The following NIPBL variants were observed in gnomAD, a reference collection of about 807,000 sequenced individuals.
NIPBL encodes the protein nipped-B-like protein.
A neutral mutation model predicts 321.8 loss-of-function variants in NIPBL; 19 were observed. The ratio of observed to expected loss-of-function variants is 0.06; its 90% CI spans 0.04 to 0.09. The LOEUF is 0.09. Ranked by LOEUF, NIPBL falls within the 10% of genes least tolerant of loss-of-function variation. The pLI is 1.00. For synonymous variants in NIPBL, 1,106 were observed against 1,114.1 expected, an observed-to-expected ratio of 0.99 and a Z score of 0.14; for missense variants, 2,210 against 3,327.0, an observed-to-expected ratio of 0.66 and a Z score of 8.26.
At chr5:36,927,929 A>G (rs1356346045) in intron 1 of NIPBL, among the ~76,000 whole-genome samples, 1 of 151,962 alleles carries the variant, frequency 6.6e-6, no homozygotes, top group African/African-American at 2.4e-5. Context: ...CAGGTGATCC[A>G]CCTGCCTCAG....
At chr5:37,047,225 G>A (rs573705050) in intron 38 of NIPBL, among the ~76,000 whole-genome samples, 4 of 152,230 alleles carry the variant, frequency 2.6e-5, no homozygotes, top group Admixed American at 6.5e-5. Context: ...CATGGATACC[G>A]AGCAATGACT....
chr5:36,966,003 G>A (rs561382343), intron 6 of NIPBL, among the ~76,000 whole-genome samples: 1 of 152,016 alleles, frequency 6.6e-6, no homozygotes, highest in South Asian at 2.1e-4. Context: ...TCACCAACAG[G>A]TATCCTGCCA....
At chr5:36,893,524 G>T (rs548338095) in intron 1 of NIPBL, among the ~76,000 whole-genome samples, 1 of 151,586 alleles carries the variant, frequency 6.6e-6, no homozygotes, top group Admixed American at 6.6e-5. Context: ...CTTTTTTGGA[G>T]ATGTAAGTTT....
In NIPBL at chr5:36,910,183, A is replaced by G. The variant is rs115342999; in HGVS notation, c.-80+33005A>G. 8.2e-3 allele frequency among the ~76,000 whole-genome samples: 1,243 copies of G among 152,302 alleles called. 11 individuals carry two copies. The highest frequency in any genetic ancestry group is 0.028 in the African/African-American group (1,181 of 41,562). On this transcript the variant is annotated intron_variant, in intron 1 of 46. Transcript: ENST00000282516. Reference sequence around the variant, plus strand: ...AGGTGACTTCTTATATTGTTGAAACAAATAAATAAAAAAGTAGAACCAAGG... The same window carrying G: ...AGGTGACTTCTTATATTGTTGAAACGAATAAATAAAAAAGTAGAACCAAGG...
chr5:37,019,475 A>G, intron 25 of NIPBL, 75 bp downstream of exon 25: 13 of 1,037,228 alleles, frequency 1.3e-5, no homozygotes, highest in Non-Finnish European at 2.0e-5. Flanking sequence ...GGGAGGTAGC[A>G]TGATGAAGAG....
At chr5:37,013,254 G>T (rs1470180561) in intron 21 of NIPBL, among the ~76,000 whole-genome samples, 1 of 150,466 alleles carries the variant, frequency 6.6e-6, no homozygotes, top group East Asian at 2.0e-4. Flanking sequence ...CCGGGCAGAG[G>T]CGCCCCTCAC....
Position 37,049,210 on chromosome 5 carries a change from A to C in NIPBL, c.6863A>C (p.Glu2288Ala). 2 of 1,614,146 alleles carry C rather than the reference A, an allele frequency of 1.2e-6. No homozygotes were observed. Among genetic ancestry groups the C allele is most frequent in the Non-Finnish European group, 1.7e-6 (2 of 1,180,018 alleles). The change falls in exon 40 of 47, where the codon GAG becomes GCG. Residue 2288 changes from glutamate to alanine, a missense_variant. Around this residue, in one of 14 missense-constraint regions of NIPBL, gnomAD observed 112 missense variants for 288.3 expected, o/e 0.39. Coordinates refer to ENST00000282516, the MANE Select transcript of NIPBL (RefSeq NM_133433.4). ...CAGCTTTATCTCAAACAGGTGCTTG[A>C]GGCATTTTTTCACACCCAGTCAAGT... ...IMQLYLKQVL[E>A]AFFHTQSSVR... is the part of the protein sequence containing the mutation.
In NIPBL at chr5:36,907,668, C is replaced by G. The variant is rs572674696; in HGVS notation, c.-80+30490C>G. On this transcript the variant is annotated intron_variant, in intron 1 of 46. Coordinates refer to ENST00000282516, the MANE Select transcript of NIPBL (RefSeq NM_133433.4). ...TTGCATTAGGGTGACAGGATTATAA[C>G]AGGCACTTTTTCCTTTTATCTGCAG... Among the ~76,000 whole-genome samples, 21 of 152,240 alleles carry G rather than the reference C, an allele frequency of 1.4e-4. No homozygotes were observed. In the East Asian group the frequency reaches 3.9e-3, roughly 28 times the overall value.
In NIPBL at chr5:36,955,128, T is replaced by C. The variant is rs1022770722; in HGVS notation, c.65-344T>C. The C allele has an allele frequency of 6.4e-5, 16 of 250,354 alleles. No individual in the cohort carries two copies. In the East Asian group the frequency reaches 8.1e-4, roughly 13 times the overall value. 15.5% of individuals were successfully genotyped at this position (250,354 alleles called of 1,614,324 possible). On this transcript the variant is annotated intron_variant, in intron 2 of 46. Transcript: ENST00000282516. ...GTACTATTGATTCTGAAAAATCTTA[T>C]AAACAAGAACAAATGAGATTAATGA...
At chr5:36,888,058 A>T (rs902953268) in intron 1 of NIPBL, among the ~76,000 whole-genome samples, 4 of 152,162 alleles carry the variant, frequency 2.6e-5, no homozygotes, top group African/African-American at 4.8e-5. Context: ...TATCACTTGA[A>T]TCTACCCCTT....
At chr5:37,026,983 T>G (rs1750355889) in intron 31 of NIPBL, among the ~76,000 whole-genome samples, 1 of 152,048 alleles carries the variant, frequency 6.6e-6, no homozygotes, top group South Asian at 2.1e-4. Context: ...TTTCTATTGA[T>G]GTCTTTAAAA....
intron 6 of NIPBL, among the ~76,000 whole-genome samples, chr5:36,968,621 G>A (rs2149616242): frequency 6.6e-6 from 1 of 152,152 alleles, no homozygotes; most frequent in South Asian, 2.1e-4. Context: ...AGCTACTCAA[G>A]TGGCCAAGGC....
chr5:36,962,238 C>A lies in NIPBL; in HGVS notation c.574C>A (p.Pro192Thr). The change falls in exon 6 of 47, where the codon CCT becomes ACT. Residue 192 changes from proline (P) to threonine (T), a missense_variant. Transcript: ENST00000282516. Reference protein sequence around the residue: ...SPAGYMPYSHPSSYTTHPQMQ... With the variant: ...SPAGYMPYSHTSSYTTHPQMQ... Reference sequence around the variant, plus strand: ...TGCAGGATACATGCCATATTCCCATCCTTCAAGTTACACAACACATCCACA... The same window carrying A: ...TGCAGGATACATGCCATATTCCCATACTTCAAGTTACACAACACATCCACA... 6.2e-7 allele frequency: 1 copy of A among 1,614,064 alleles called. No individual in the cohort carries two copies.
intron 30 of NIPBL, among the ~76,000 whole-genome samples, chr5:37,025,740 T>C (rs758050883): frequency 2.6e-5 from 4 of 152,230 alleles, no homozygotes; most frequent in Non-Finnish European, 5.9e-5. Flanking sequence ...TTGATCATTA[T>C]ACATTGTATG....
At chr5:36,993,758 C>T (rs1435969535) in intron 10 of NIPBL, among the ~76,000 whole-genome samples, 2 of 151,190 alleles carry the variant, frequency 1.3e-5, no homozygotes, top group Non-Finnish European at 2.9e-5. Flanking sequence ...TTCCAATATA[C>T]TGCAAAAAAA....
At chr5:36,939,889 G>A (rs1473009957) in intron 1 of NIPBL, among the ~76,000 whole-genome samples, 1 of 152,106 alleles carries the variant, frequency 6.6e-6, no homozygotes, top group Non-Finnish European at 1.5e-5. Flanking sequence ...CCTCTTAAAG[G>A]TCCCATCTCT....
In NIPBL at chr5:37,006,540, A is replaced by G; in HGVS notation, c.4039A>G (p.Thr1347Ala). Residue 1347 changes from threonine to alanine, a missense_variant, in exon 17 of 47, where the codon ACA becomes GCA. This residue lies in a region of NIPBL where 381 missense variants were observed against 642.3 expected (regional missense o/e 0.59). Transcript: ENST00000282516. Reference protein sequence around the residue: ...IQYTKFHLQNTLYPQYDPVYR... With the variant: ...IQYTKFHLQNALYPQYDPVYR... Reference sequence around the variant, plus strand: ...GTACACTAAATTTCATTTGCAGAATACACTTTATCCTCAGTATGATCCTGT... The same window carrying G: ...GTACACTAAATTTCATTTGCAGAATGCACTTTATCCTCAGTATGATCCTGT... 2 of 1,610,514 alleles carry G rather than the reference A, an allele frequency of 1.2e-6. No homozygotes were observed. The highest frequency in any genetic ancestry group is 1.7e-6 in the Non-Finnish European group (2 of 1,177,172).
chr5:36,945,483 A>G (rs181567748), intron 1 of NIPBL, among the ~76,000 whole-genome samples: 25 of 151,970 alleles, frequency 1.6e-4, no homozygotes, highest in African/African-American at 4.6e-4. Context: ...TCTCTGCATA[A>G]TAGTACTCAG....
At position 36,901,500 on chromosome 5, in the gene NIPBL, CTTTTTTTTTTTTTTTTT is replaced by C. The variant is rs35178851; in HGVS notation, c.-80+24332_-80+24348del. Among the ~76,000 whole-genome samples the C allele has an allele frequency of 1.2e-4, 9 of 77,412 alleles. 1 individual carries two copies. Among genetic ancestry groups the C allele is most frequent in the African/African-American group, 5.0e-4 (9 of 18,098 alleles). 50.8% of individuals were successfully genotyped at this position (77,412 alleles called of 152,430 possible). On this transcript the variant is annotated intron_variant, in intron 1 of 46. Transcript: ENST00000282516. ...CTGGGTTGCATGGTCCTTCTAAGTC[CTTTTTTTTTTTTTTTTT>C]TTTTTTTTTGAGTCGGAGATTTGCT...
Sources: allele counts gnomAD v4.1 joint callset (sites outside exome capture counted in the v4.1 genomes callset), GRCh38; gene constraint gnomAD v4.1.1; regional missense constraint gnomAD v4.1.1; transcripts MANE v1.5; gene names NCBI Gene and HGNC (gene_info 2026-07-23, HGNC 2026-07-21).